The following ADARB2 variants were observed in gnomAD, a reference collection of about 807,000 sequenced individuals.
ADARB2 encodes adenosine deaminase RNA specific B2 (inactive).
ADARB2 carries 25 observed loss-of-function variants against 62.2 expected under a neutral mutation model. The ratio of observed to expected loss-of-function variants is 0.40; its 90% CI spans 0.29 to 0.56. The LOEUF is 0.56. Among genes scored for constraint, ADARB2 ranks in the 20% least tolerant of loss-of-function variants. ADARB2 has a pLI of 0.43. For synonymous variants in ADARB2, 572 were observed against 500.8 expected (o/e 1.14, Z -1.90); for missense variants, 1,071 against 1,077.4 (o/e 0.99, Z 0.08).
chr10:1,247,832 G>A (rs1423500918), intron 4 of ADARB2, among the ~76,000 whole-genome samples: 1 of 152,172 alleles, frequency 6.6e-6, no homozygotes, highest in South Asian at 2.1e-4. Context: ...TTGGTTTATG[G>A]GCATCACCCT....
chr10:1,254,896 A>C (rs754899807), intron 4 of ADARB2, among the ~76,000 whole-genome samples: 1 of 152,250 alleles, frequency 6.6e-6, no homozygotes, highest in Non-Finnish European at 1.5e-5. Context: ...CCTGAGCTTC[A>C]AAGAATGGTG....
intron 1 of ADARB2, among the ~76,000 whole-genome samples, chr10:1,603,537 C>T (rs917786979): frequency 9.2e-5 from 14 of 152,074 alleles, no homozygotes; most frequent in South Asian, 8.4e-4. Context: ...TTTCCTTGGC[C>T]GAAGGAAGGC....
At chr10:1,254,769 T>C (rs1831065636) in intron 4 of ADARB2, among the ~76,000 whole-genome samples, 1 of 152,256 alleles carries the variant, frequency 6.6e-6, no homozygotes, top group Non-Finnish European at 1.5e-5. Context: ...AACCATTGAA[T>C]CAAGGGGCAG....
At position 1,479,979 on chromosome 10, in the gene ADARB2, G is replaced by A. The variant is rs184224705; in HGVS notation, c.101-100819C>T. On this transcript the variant is annotated intron_variant, in intron 1 of 9. Transcript: ENST00000381312. ...TTATGCACCCAAATGACACACAGAA[G>A]AGATGGAAGGAGCTGTCTTTAAAAA... Among the ~76,000 whole-genome samples the A allele has an allele frequency of 2.4e-4, 37 of 152,122 alleles. No homozygotes were observed. The East Asian group carries it at 6.0e-3, about 25-fold the overall frequency.
chr10:1,722,359 A>G (rs995760834), intron 1 of ADARB2, among the ~76,000 whole-genome samples: 8 of 152,224 alleles, frequency 5.3e-5, no homozygotes, highest in African/African-American at 9.6e-5. Flanking sequence ...TGTGGCTTCA[A>G]TTCCACTTTG....
At chr10:1,403,952 A>G (rs1257242448) in intron 1 of ADARB2, among the ~76,000 whole-genome samples, 2 of 152,154 alleles carry the variant, frequency 1.3e-5, no homozygotes, top group Non-Finnish European at 2.9e-5. Context: ...TGTGAATATC[A>G]ACCAGGCCAG....
chr10:1,269,346 A>G (rs867034529), intron 4 of ADARB2, among the ~76,000 whole-genome samples: 3 of 152,338 alleles, frequency 2.0e-5, no homozygotes, highest in Middle Eastern at 6.8e-3. Flanking sequence ...AAGAGCCACA[A>G]GGGTAGGCAT....
At chr10:1,661,792 T>C (rs1834251718) in intron 1 of ADARB2, among the ~76,000 whole-genome samples, 1 of 152,172 alleles carries the variant, frequency 6.6e-6, no homozygotes, top group Admixed American at 6.5e-5. Flanking sequence ...GCACTGACTT[T>C]CACACACTTG....
chr10:1,192,867 C>T (rs1229843556), intron 8 of ADARB2, among the ~76,000 whole-genome samples: 1 of 152,198 alleles, frequency 6.6e-6, no homozygotes, highest in Non-Finnish European at 1.5e-5. Flanking sequence ...GGCGTGAACC[C>T]GGGAGGCAGA....
intron 5 of ADARB2, among the ~76,000 whole-genome samples, chr10:1,234,602 G>A (rs1292721033): frequency 6.6e-6 from 1 of 150,662 alleles, no homozygotes. Flanking sequence ...CACCATGCGA[G>A]GCTAATTTAT....
chr10:1,661,910 G>A (rs1049234901), intron 1 of ADARB2, among the ~76,000 whole-genome samples: 2 of 152,198 alleles, frequency 1.3e-5, no homozygotes, highest in Non-Finnish European at 2.9e-5. Flanking sequence ...GGGAGGGAAA[G>A]GGGCTAGGAG....
chr10:1,234,369 C>T (rs1023982145), intron 5 of ADARB2, among the ~76,000 whole-genome samples: 3 of 152,162 alleles, frequency 2.0e-5, no homozygotes, highest in South Asian at 2.1e-4. Flanking sequence ...AATGAAACTA[C>T]GTGAATGCGA....
chr10:1,200,811 T>A (rs1365833514), intron 7 of ADARB2, among the ~76,000 whole-genome samples: 1 of 152,202 alleles, frequency 6.6e-6, no homozygotes, highest in Non-Finnish European at 1.5e-5. Context: ...TGAAGCAACA[T>A]TCTATGGTTT....
intron 3 of ADARB2, among the ~76,000 whole-genome samples, chr10:1,324,149 G>A (rs1831821767): frequency 1.3e-5 from 2 of 152,196 alleles, no homozygotes; most frequent in African/African-American, 4.8e-5. Flanking sequence ...ATGATAAGAT[G>A]CTAAACTATA....
At chr10:1,577,656 A>T (rs375355063) in intron 1 of ADARB2, among the ~76,000 whole-genome samples, 3 of 152,106 alleles carry the variant, frequency 2.0e-5, no homozygotes, top group South Asian at 2.1e-4. Flanking sequence ...GTGGGAAAGG[A>T]CGGTGGGTGG....
intron 1 of ADARB2, among the ~76,000 whole-genome samples, chr10:1,573,194 TC>T (rs1236228658): frequency 1.3e-5 from 2 of 152,186 alleles, no homozygotes; most frequent in Non-Finnish European, 2.9e-5. Context: ...GGTGGGCCTG[TC>T]CCTGTCACTG....
intron 3 of ADARB2, chr10:1,290,916 T>G (rs991450030): frequency 6.6e-6 from 1 of 152,208 alleles, no homozygotes; most frequent in African/African-American, 2.4e-5. Flanking sequence ...CAGGAAGATA[T>G]TTTGAGCCCG....
intron 3 of ADARB2, among the ~76,000 whole-genome samples, chr10:1,321,886 T>G (rs1396823982): frequency 1.3e-5 from 2 of 151,298 alleles, no homozygotes; most frequent in African/African-American, 4.9e-5. Flanking sequence ...CACAGCTGAT[T>G]GGGAAGGGGA....
At chr10:1,546,807 T>A (rs1358027195) in intron 1 of ADARB2, among the ~76,000 whole-genome samples, 1 of 152,228 alleles carries the variant, frequency 6.6e-6, no homozygotes, top group Non-Finnish European at 1.5e-5. Context: ...TGGAAGGCCC[T>A]GACAAACGAC....
Sources: allele counts gnomAD v4.1 joint callset (sites outside exome capture counted in the v4.1 genomes callset), GRCh38; gene constraint gnomAD v4.1.1; transcripts MANE v1.5; gene names NCBI Gene and HGNC (gene_info 2026-07-23, HGNC 2026-07-21).